ZFPM2: variants seen among roughly 807,000 people sequenced by gnomAD.
The protein encoded by ZFPM2 is zinc finger protein ZFPM2.
ZFPM2 carries 20 observed loss-of-function variants against 98.6 expected under a neutral mutation model. The ratio of observed to expected loss-of-function variants is 0.20; its 90% CI spans 0.14 to 0.29. The LOEUF (loss-of-function observed/expected upper bound fraction) is 0.29, where lower values mean the gene tolerates loss of function less well. ZFPM2 is among the 10% of genes least tolerant of loss of function. The probability of loss-of-function intolerance (pLI) is 1.00; values close to 1 mark genes in which losing one functional copy is unlikely to be tolerated. For synonymous variants in ZFPM2, 518 were observed against 502.7 expected (o/e 1.03, Z -0.41); for missense variants, 1,310 against 1,388.6 (o/e 0.94, Z 0.90).
At chr8:105,632,233 G>A (rs1816767895) in intron 4 of ZFPM2, among the ~76,000 whole-genome samples, 1 of 152,062 alleles carries the variant, frequency 6.6e-6, no homozygotes, top group African/African-American at 2.4e-5. Context: ...ACAGTAGCAC[G>A]ATCTTGGCTC....
intron 1 of ZFPM2, among the ~76,000 whole-genome samples, chr8:105,393,659 A>G (rs1379598131): frequency 1.3e-5 from 2 of 152,082 alleles, no homozygotes; most frequent in Non-Finnish European, 2.9e-5. Context: ...CTTGGGTGGG[A>G]GAAATTCATT....
rs929954130 is a variant in ZFPM2, at chr8:105,801,135, C to G, written c.1053C>G (p.His351Gln). 2 of 1,613,834 alleles carry G rather than the reference C, an allele frequency of 1.2e-6. No individual in the cohort carries two copies. Among genetic ancestry groups the G allele is most frequent in the African/African-American group, 2.7e-5 (2 of 74,928 alleles). The stretch of plus-strand genomic sequence containing the variant: ...CTGCTGATTCCGTGATCAACTTTCA[C>G]CAACACCTGTTCTCCCATCTCACTC... ...SYTADSVINF[H>Q]QHLFSHLTQA... Residue 351 changes from histidine to glutamine, a missense_variant, in exon 8 of 8, where the codon CAC (histidine) becomes CAG (glutamine). His to Gln is a conservative substitution (Grantham distance 24). Transcript: ENST00000407775.
intron 4 of ZFPM2, among the ~76,000 whole-genome samples, chr8:105,567,674 T>C (rs1335154394): frequency 6.6e-6 from 1 of 152,088 alleles, no homozygotes; most frequent in East Asian, 1.9e-4. Flanking sequence ...AAAAGCAATA[T>C]CCAAATTATT....
chr8:105,665,178 C>T (rs973198122), intron 5 of ZFPM2, among the ~76,000 whole-genome samples: 2 of 152,036 alleles, frequency 1.3e-5, no homozygotes, highest in Non-Finnish European at 2.9e-5. Context: ...TATAACAATC[C>T]ACTCTCATGA....
intron 1 of ZFPM2, among the ~76,000 whole-genome samples, chr8:105,352,920 A>G (rs1812675971): frequency 1.3e-5 from 2 of 152,122 alleles, no homozygotes; most frequent in Admixed American, 6.6e-5. Context: ...AGTGAGAGCA[A>G]CTCATACAGA....
chr8:105,479,834 AT>A (rs879462134), intron 3 of ZFPM2, among the ~76,000 whole-genome samples: 24 of 149,178 alleles, frequency 1.6e-4, no homozygotes, highest in Admixed American at 2.7e-4. Context: ...CTTGGTGAGC[AT>A]TTTTTTTTTA....
chr8:105,455,785 G>T (rs1191726243), intron 3 of ZFPM2, among the ~76,000 whole-genome samples: 2 of 152,134 alleles, frequency 1.3e-5, no homozygotes, highest in Non-Finnish European at 2.9e-5. Flanking sequence ...TAAAGGAAAG[G>T]CATGTTTATG....
chr8:105,623,856 C>G (rs1334147396), intron 4 of ZFPM2, among the ~76,000 whole-genome samples: 4 of 152,142 alleles, frequency 2.6e-5, no homozygotes, highest in African/African-American at 9.7e-5. Flanking sequence ...AGTCACATCA[C>G]TTTCTCTAAA....
At chr8:105,450,573 T>C (rs1812464863) in intron 3 of ZFPM2, among the ~76,000 whole-genome samples, 1 of 152,116 alleles carries the variant, frequency 6.6e-6, no homozygotes, top group Non-Finnish European at 1.5e-5. Context: ...ATTTTCACAT[T>C]TGCATTTCAA....
intron 3 of ZFPM2, among the ~76,000 whole-genome samples, chr8:105,487,932 AGC>A (rs35923945): frequency 0.63 from 88,128 of 139,556 alleles, 26,382 homozygotes; most frequent in Non-Finnish European, 0.68. Context: ...CTATCTATCT[AGC>A]TAGCTAGCTA....
chr8:105,490,730 G>T (rs531159358), intron 3 of ZFPM2, among the ~76,000 whole-genome samples: 1 of 152,268 alleles, frequency 6.6e-6, no homozygotes, highest in East Asian at 1.9e-4. Flanking sequence ...GAAGTATAGA[G>T]CCAGGCCCAT....
At chr8:105,488,099 T>C (rs755590533) in intron 3 of ZFPM2, among the ~76,000 whole-genome samples, 7 of 152,148 alleles carry the variant, frequency 4.6e-5, no homozygotes, top group African/African-American at 1.2e-4. Flanking sequence ...TTTGTTACAA[T>C]TGATGAATCT....
chr8:105,769,380 G>C (rs1447305927), intron 5 of ZFPM2, among the ~76,000 whole-genome samples: 5 of 151,978 alleles, frequency 3.3e-5, no homozygotes, highest in Non-Finnish European at 7.4e-5. Flanking sequence ...TCCCTTCGAG[G>C]CTTTACTGGG....
At chr8:105,596,021 A>G (rs1815963106) in intron 4 of ZFPM2, among the ~76,000 whole-genome samples, 1 of 151,120 alleles carries the variant, frequency 6.6e-6, no homozygotes, top group African/African-American at 2.4e-5. Context: ...AAAAAAACCA[A>G]CAACAAAAAA....
chr8:105,674,157 C>A (rs866368500), intron 5 of ZFPM2, among the ~76,000 whole-genome samples: 2 of 152,088 alleles, frequency 1.3e-5, no homozygotes, highest in Non-Finnish European at 1.5e-5. Flanking sequence ...AGCAGTTTTC[C>A]TGGTTATATT....
At chr8:105,590,094 C>G (rs1273091391) in intron 4 of ZFPM2, among the ~76,000 whole-genome samples, 2 of 152,198 alleles carry the variant, frequency 1.3e-5, no homozygotes, top group Non-Finnish European at 2.9e-5. Flanking sequence ...GAATTAGCCT[C>G]TGAATGGCTC....
intron 5 of ZFPM2, among the ~76,000 whole-genome samples, chr8:105,700,071 A>C (rs1811107762): frequency 6.6e-6 from 1 of 152,188 alleles, no homozygotes; most frequent in African/African-American, 2.4e-5. Context: ...TAATCATTTT[A>C]ACCTTGGAAT....
At chr8:105,372,519 TAATATC>T (rs1174681429) in intron 1 of ZFPM2, among the ~76,000 whole-genome samples, 16 of 152,110 alleles carry the variant, frequency 1.1e-4, no homozygotes, top group African/African-American at 3.1e-4. Flanking sequence ...AAAATAATAA[TAATATC>T]AATAATAAAA....
intron 4 of ZFPM2, among the ~76,000 whole-genome samples, chr8:105,589,982 AG>A (rs1815807443): frequency 6.6e-6 from 1 of 152,194 alleles, no homozygotes; most frequent in Admixed American, 6.5e-5. Flanking sequence ...CAGCCCCCAG[AG>A]TGCTGGGATT....
Sources: gnomAD v4.1 joint callset for allele counts (sites outside exome capture counted in the v4.1 genomes callset) on GRCh38, gnomAD v4.1.1 for gene constraint, MANE v1.5 for transcripts, NCBI Gene and HGNC (gene_info 2026-07-23, HGNC 2026-07-21) for gene names.